The following VWA8 variants were observed in gnomAD, a reference collection of about 807,000 sequenced individuals.
VWA8 encodes the protein von Willebrand factor A domain containing 8, also known as von Willebrand factor A domain-containing protein 8.
In VWA8, 221 loss-of-function variants were observed where a neutral mutation model predicts 241.5. That is an observed-to-expected ratio of 0.91 (90% confidence interval 0.82 to 1.02). VWA8 has a LOEUF of 1.02. Ranked by LOEUF, VWA8 falls within the 50% of genes least tolerant of loss-of-function variation. The probability of loss-of-function intolerance (pLI) is 0.00; values close to 1 mark genes in which losing one functional copy is unlikely to be tolerated. For missense variants in VWA8, 2,322 were observed against 2,328.7 expected (o/e 1.00, Z 0.06); for synonymous variants, 852 against 827.1 (o/e 1.03, Z -0.52).
At chr13:41,918,427 C>G (rs958808566) in intron 2 of VWA8, among the ~76,000 whole-genome samples, 1 of 152,102 alleles carries the variant, frequency 6.6e-6, no homozygotes, top group Non-Finnish European at 1.5e-5. Context: ...TCATGTTGTT[C>G]ACTTTTTGTG....
chr13:41,934,705 C>T (rs997459410), intron 2 of VWA8, among the ~76,000 whole-genome samples: 1 of 151,738 alleles, frequency 6.6e-6, no homozygotes, highest in Non-Finnish European at 1.5e-5. Context: ...CTAGAAAATC[C>T]GAATAAATCT....
chr13:41,611,426 G>A (rs2044587357), intron 39 of VWA8, 150 bp downstream of exon 39: 1 of 1,037,804 alleles, frequency 9.6e-7, no homozygotes, highest in Non-Finnish European at 1.4e-6. Context: ...GTTTCCGTTA[G>A]GGACGGGGAT....
chr13:41,620,133 T>C (rs910992208), intron 37 of VWA8, among the ~76,000 whole-genome samples: 1 of 152,104 alleles, frequency 6.6e-6, no homozygotes. Context: ...ATTAATTATT[T>C]CCTCAATTTC....
intron 34 of VWA8, among the ~76,000 whole-genome samples, chr13:41,687,682 T>C (rs1200309418): frequency 1.3e-5 from 2 of 152,114 alleles, no homozygotes; most frequent in African/African-American, 4.8e-5. Flanking sequence ...CTATCATGTA[T>C]GAAAGGGCTT....
At chr13:41,611,525 G>T in intron 39 of VWA8, 51 bp downstream of exon 39, 1 of 1,586,636 alleles carries the variant, frequency 6.3e-7, no homozygotes, top group Non-Finnish European at 8.6e-7. Flanking sequence ...AGTCCATCAT[G>T]ACATTTCACC....
At chr13:41,674,419 C>T (rs1255925014) in intron 36 of VWA8, among the ~76,000 whole-genome samples, 1 of 151,928 alleles carries the variant, frequency 6.6e-6, no homozygotes, top group Non-Finnish European at 1.5e-5. Context: ...TGAGGGAGTA[C>T]ATGAGAGGAG....
In VWA8 at chr13:41,657,253, C is replaced by G. The variant is rs2044912948; in HGVS notation, c.4611+13693G>C. Among the ~76,000 whole-genome samples the G allele has an allele frequency of 2.0e-5, 3 of 152,100 alleles. No individual in the cohort carries two copies. In the South Asian group the frequency reaches 6.3e-4, roughly 32 times the overall value. On this transcript the variant is annotated intron_variant, in intron 37 of 44. Transcript: ENST00000379310. Reference sequence around the variant, plus strand: ...AAGCCACCCCCGAGAAAAGCAGAGCCAAGAGGAGAGAGGCTGGGTCCTGTG... The same window carrying G: ...AAGCCACCCCCGAGAAAAGCAGAGCGAAGAGGAGAGAGGCTGGGTCCTGTG...
chr13:41,789,195 A>AT (rs1437306715), intron 17 of VWA8, among the ~76,000 whole-genome samples: 1 of 151,952 alleles, frequency 6.6e-6, no homozygotes, highest in Non-Finnish European at 1.5e-5. Flanking sequence ...GCCAATCCTA[A>AT]TTTTTTTCCT....
intron 6 of VWA8, 146 bp from the exon 7 acceptor site, chr13:41,886,976 T>A: frequency 1.1e-6 from 1 of 880,306 alleles, no homozygotes; most frequent in Non-Finnish European, 1.7e-6. Flanking sequence ...ACATTTCATT[T>A]TCTAAAAGAA....
At position 41,784,342 on chromosome 13, in the gene VWA8, G is replaced by A. The variant is rs191326325; in HGVS notation, c.2171-441C>T. ...TCCTATAGCTCTAGTCAAAAATACA[G>A]ATGAACTAACCTACCACAGAACTCT... On this transcript the variant is annotated intron_variant, in intron 18 of 44. Transcript: ENST00000379310. Among the ~76,000 whole-genome samples the A allele has an allele frequency of 1.2e-3, 179 of 152,096 alleles. 1 individual carries two copies. The highest frequency in any genetic ancestry group is 1.7e-3 in the Non-Finnish European group (115 of 67,976).
At chr13:41,922,869 C>T (rs1876624178) in intron 2 of VWA8, among the ~76,000 whole-genome samples, 1 of 152,202 alleles carries the variant, frequency 6.6e-6, no homozygotes, top group Non-Finnish European at 1.5e-5. Flanking sequence ...TTGTGGAAGA[C>T]AGTGTGGTGA....
At chr13:41,830,706 G>T in intron 13 of VWA8, 64 bp from the exon 14 acceptor site, 1 of 1,382,456 alleles carries the variant, frequency 7.2e-7, no homozygotes, top group South Asian at 1.2e-5. Flanking sequence ...AGTTTTCAGA[G>T]GCAGAATCAG....
At chr13:41,953,741 G>A (rs1878235414) in intron 1 of VWA8, among the ~76,000 whole-genome samples, 1 of 152,096 alleles carries the variant, frequency 6.6e-6, no homozygotes, top group African/African-American at 2.4e-5. Context: ...CCAGGGAGGC[G>A]GAGGTTGCAG....
chr13:41,729,804 C>CACACAG, intron 22 of VWA8, 127 bp from the exon 23 acceptor site: 1 of 363,552 alleles, frequency 2.8e-6, no homozygotes, highest in Non-Finnish European at 4.5e-6. Context: ...CGTAGACACA[C>CACACAG]ACACACACAC....
intron 4 of VWA8, among the ~76,000 whole-genome samples, chr13:41,899,727 G>T (rs1875329290): frequency 1.3e-5 from 2 of 152,056 alleles, no homozygotes; most frequent in Non-Finnish European, 2.9e-5. Flanking sequence ...ATAAGCAACT[G>T]AATAGAACAA....
At chr13:41,720,386 T>C (rs2045379853) in intron 25 of VWA8, among the ~76,000 whole-genome samples, 2 of 152,156 alleles carry the variant, frequency 1.3e-5, no homozygotes, top group Non-Finnish European at 2.9e-5. Context: ...CTGTTATTTT[T>C]AATCTTGATT....
At chr13:41,573,517 A>C (rs1355727474) in intron 43 of VWA8, among the ~76,000 whole-genome samples, 3 of 138,116 alleles carry the variant, frequency 2.2e-5, no homozygotes, top group Admixed American at 7.6e-5. Context: ...ACCTCTCTCT[A>C]TATATACGTG....
chr13:41,759,781 A>G (rs2045726561), intron 21 of VWA8, among the ~76,000 whole-genome samples: 4 of 151,618 alleles, frequency 2.6e-5, no homozygotes, highest in Admixed American at 2.0e-4. Context: ...GCTTGACTCA[A>G]TGAATGCTAT....
At position 41,795,134 on chromosome 13, in the gene VWA8, C is replaced by T. The variant is rs547531597; in HGVS notation, c.2064-7591G>A. 3.9e-5 allele frequency among the ~76,000 whole-genome samples: 6 copies of T among 152,072 alleles called. No individual in the cohort carries two copies. The South Asian group carries it at 1.2e-3, about 32-fold the overall frequency. On this transcript the variant is annotated intron_variant, in intron 17 of 44. Coordinates refer to ENST00000379310, the MANE Select transcript of VWA8 (RefSeq NM_015058.2). ...AAAACCCACCCCATTAAAAAGTGAG[C>T]AAAGGACATGAACAGACACTTTTCA...
Sources: gnomAD v4.1 joint callset for allele counts (sites outside exome capture counted in the v4.1 genomes callset) on GRCh38, gnomAD v4.1.1 for gene constraint, MANE v1.5 for transcripts, NCBI Gene and HGNC (gene_info 2026-07-23, HGNC 2026-07-21) for gene names.